CNIH3: variants seen among roughly 807,000 people sequenced by gnomAD.
The protein encoded by CNIH3 is protein cornichon homolog 3.
CNIH3 carries 14 observed loss-of-function variants against 24.1 expected under a neutral mutation model. The ratio of observed to expected loss-of-function variants is 0.58; its 90% CI spans 0.38 to 0.91. The LOEUF is 0.91. Ranked by LOEUF, CNIH3 falls within the 40% of genes least tolerant of loss-of-function variation. The probability of loss-of-function intolerance (pLI) is 0.00; values close to 1 mark genes in which losing one functional copy is unlikely to be tolerated. For missense variants in CNIH3, 178 were observed against 196.8 expected, an observed-to-expected ratio of 0.90 and a Z score of 0.57; for synonymous variants, 68 against 73.8, an observed-to-expected ratio of 0.92 and a Z score of 0.40.
chr1:224,636,049 A>C (rs1286356879), intron 1 of CNIH3, among the ~76,000 whole-genome samples: 1 of 152,194 alleles, frequency 6.6e-6, no homozygotes, highest in Non-Finnish European at 1.5e-5. Flanking sequence ...TAAGAAAACA[A>C]AAATCAACAA....
intron 1 of CNIH3, among the ~76,000 whole-genome samples, chr1:224,479,215 G>A (rs1177026791): frequency 4.7e-5 from 6 of 127,774 alleles, no homozygotes; most frequent in Non-Finnish European, 7.8e-5. Flanking sequence ...GTGCAATGGC[G>A]CAATCTCGGC....
chr1:224,537,516 AC>A (rs1344115019), downstream of CNIH3: 2 of 152,174 alleles, frequency 1.3e-5, no homozygotes, highest in Non-Finnish European at 2.9e-5. Flanking sequence ...GCCTTTCCAG[AC>A]CAAACCAATG....
At chr1:224,646,164 A>C (rs1230814712) in intron 1 of CNIH3, among the ~76,000 whole-genome samples, 2 of 113,574 alleles carry the variant, frequency 1.8e-5, no homozygotes, top group African/African-American at 7.1e-5. Flanking sequence ...TGGAGGTTCA[A>C]TTCAAGGTCA....
At chr1:224,552,673 A>G (rs1474113145) in intron 3 of CNIH3, among the ~76,000 whole-genome samples, 1 of 151,586 alleles carries the variant, frequency 6.6e-6, no homozygotes, top group East Asian at 1.9e-4. Context: ...TATGAATAAC[A>G]TCACAGGGTG....
At chr1:224,572,128 G>C (rs147486303) in intron 4 of CNIH3, among the ~76,000 whole-genome samples, 105 of 152,294 alleles carry the variant, frequency 6.9e-4, no homozygotes, top group African/African-American at 2.5e-3. Flanking sequence ...AGGAGGTGGA[G>C]AACTGGAAAT....
At chr1:224,512,162 T>C (rs1442180431), upstream of CNIH3, among the ~76,000 whole-genome samples, 1 of 134,724 alleles carries the variant, frequency 7.4e-6, no homozygotes, top group Admixed American at 7.8e-5. Context: ...GCAACAAGAG[T>C]GAAACACCGT....
At chr1:224,456,329 C>T (rs1017051384) in intron 1 of CNIH3, among the ~76,000 whole-genome samples, 13 of 152,188 alleles carry the variant, frequency 8.5e-5, no homozygotes, top group African/African-American at 3.1e-4. Context: ...TCCCTAGCCC[C>T]ATAGCTCAGA....
intron 3 of CNIH3, among the ~76,000 whole-genome samples, chr1:224,726,484 G>A (rs1689028406): frequency 6.6e-6 from 1 of 152,314 alleles, no homozygotes; most frequent in East Asian, 1.9e-4. Flanking sequence ...AATACAGTTA[G>A]CGTTTACACA....
chr1:224,648,424 A>AG (rs1379826840), intron 1 of CNIH3, among the ~76,000 whole-genome samples: 3 of 151,856 alleles, frequency 2.0e-5, no homozygotes, highest in African/African-American at 7.3e-5. Flanking sequence ...AAAAAAAAAA[A>AG]AAAAAGAAAA....
chr1:224,683,801 G>A (rs946914944), intron 2 of CNIH3, among the ~76,000 whole-genome samples: 4 of 152,198 alleles, frequency 2.6e-5, no homozygotes, highest in Non-Finnish European at 5.9e-5. Context: ...TGCGTGTCTT[G>A]TAGCATTCCC....
At chr1:224,708,959 A>AAAAAC (rs1687978398) in intron 3 of CNIH3, among the ~76,000 whole-genome samples, 1 of 152,256 alleles carries the variant, frequency 6.6e-6, no homozygotes, top group African/African-American at 2.4e-5. Flanking sequence ...TGCTTTTGAA[A>AAAAAC]AAAACAAAAC....
chr1:224,604,557 A>C lies in CNIH3; in HGVS notation n.402+38293A>C, dbSNP rs1361269401. Among the ~76,000 whole-genome samples, 2 of 152,184 alleles carry C rather than the reference A, an allele frequency of 1.3e-5. No homozygotes were observed. The highest frequency in any genetic ancestry group is 2.9e-5 in the Non-Finnish European group (2 of 68,032). On this transcript the variant is annotated intron_variant and non_coding_transcript_variant, in intron 3 of 7. Coordinates refer to the CNIH3 transcript ENST00000478120. The surrounding 1 kb of genome is among the most constrained non-coding windows in gnomAD (Gnocchi z 4.4). Reference sequence around the variant, plus strand: ...TGACTTGTGGAAGAGACAAGTCCTCAGAGATGTGGTTATGTGGCACCAGGG... The same window carrying C: ...TGACTTGTGGAAGAGACAAGTCCTCCGAGATGTGGTTATGTGGCACCAGGG...
intron 5 of CNIH3, among the ~76,000 whole-genome samples, chr1:224,585,568 T>C (rs1382392304): frequency 6.6e-6 from 1 of 151,950 alleles, no homozygotes; most frequent in Non-Finnish European, 1.5e-5. Context: ...AGTCTTGAAC[T>C]CTTGGGCTCA....
chr1:224,721,975 T>G (rs939834529), intron 3 of CNIH3, among the ~76,000 whole-genome samples: 5 of 151,716 alleles, frequency 3.3e-5, no homozygotes, highest in Admixed American at 6.6e-5. Context: ...CACGGGGTGG[T>G]GTGTGGGAAA....
At position 224,616,327 on chromosome 1, in the gene CNIH3, AGGCGGCGGCGGC is replaced by A; in HGVS notation, c.-838_-827del. 1.1e-5 allele frequency: 4 copies of A among 362,758 alleles called. No homozygotes were observed. Among genetic ancestry groups the A allele is most frequent in the Non-Finnish European group, 1.2e-5 (3 of 243,146 alleles). The allele number at this position is 362,758 out of a possible 1,614,324, so 22.5% of individuals were successfully genotyped here. On this transcript the variant is annotated 5_prime_UTR_variant, in exon 1 of 6. Coordinates refer to ENST00000272133, the MANE Select transcript of CNIH3 (RefSeq NM_152495.2). ...ACCGCTACAGTTCTCGCAGTGGCAA[AGGCGGCGGCGGC>A]GGCGGCGGCAGCGGCAGCAGCAGGT...
intron 3 of CNIH3, among the ~76,000 whole-genome samples, chr1:224,725,246 A>G (rs1231367299): frequency 6.6e-6 from 1 of 152,138 alleles, no homozygotes; most frequent in East Asian, 1.9e-4. Flanking sequence ...TCACAACACA[A>G]TAACAATAGT....
chr1:224,481,841 G>C (rs1039467324), intron 1 of CNIH3, among the ~76,000 whole-genome samples: 1 of 152,194 alleles, frequency 6.6e-6, no homozygotes, highest in East Asian at 1.9e-4. Context: ...CCTTAAGAGC[G>C]GTGAGTTCCC....
At chr1:224,535,108 G>A (rs139673307) in intron 2 of CNIH3, among the ~76,000 whole-genome samples, 1 of 152,326 alleles carries the variant, frequency 6.6e-6, no homozygotes, top group Non-Finnish European at 1.5e-5. Flanking sequence ...TTGAAAATAA[G>A]CACTTCACAG....
chr1:224,526,277 A>G (rs747768125), intron 2 of CNIH3, among the ~76,000 whole-genome samples: 9 of 152,324 alleles, frequency 5.9e-5, no homozygotes, highest in East Asian at 5.8e-4. Flanking sequence ...CTGAATCCCC[A>G]ATGTGATCGT....
Sources: allele counts gnomAD v4.1 joint callset (sites outside exome capture counted in the v4.1 genomes callset), GRCh38; gene constraint gnomAD v4.1.1; non-coding constraint Gnocchi (gnomAD v3.1); transcripts MANE v1.5; gene names NCBI Gene and HGNC (gene_info 2026-07-23, HGNC 2026-07-21).